The following LRRC4C variants were observed in gnomAD, a reference collection of about 807,000 sequenced individuals.
The protein encoded by LRRC4C is leucine rich repeat containing 4C, also known as leucine-rich repeat-containing protein 4C.
LRRC4C carries 5 observed loss-of-function variants against 33.6 expected under a neutral mutation model. That is an observed-to-expected ratio of 0.15 (90% CI 0.08 to 0.31). The LOEUF is 0.31. Ranked by LOEUF, LRRC4C falls within the 10% of genes least tolerant of loss-of-function variation. The pLI, the probability that LRRC4C is intolerant of heterozygous loss-of-function variation, is 1.00. For missense variants in LRRC4C, 560 were observed against 796.7 expected (o/e 0.70, Z 3.58); for synonymous variants, 329 against 302.0 (o/e 1.09, Z -0.93).
At chr11:40,588,688 G>A (rs1400615582) in intron 3 of LRRC4C, among the ~76,000 whole-genome samples, 22 of 151,872 alleles carry the variant, frequency 1.4e-4, no homozygotes, top group African/African-American at 4.4e-4. Flanking sequence ...CTTTGTTCTC[G>A]TTGGTTTCAA....
intron 2 of LRRC4C, among the ~76,000 whole-genome samples, chr11:40,708,641 T>C (rs1946298905): frequency 6.6e-6 from 1 of 152,222 alleles, no homozygotes; most frequent in African/African-American, 2.4e-5. Flanking sequence ...AACTATGTGG[T>C]CAATTTTGGA....
At chr11:41,392,584 T>C (rs1953647346) in intron 1 of LRRC4C, among the ~76,000 whole-genome samples, 1 of 151,286 alleles carries the variant, frequency 6.6e-6, no homozygotes, top group Non-Finnish European at 1.5e-5. Context: ...CATCGTTACC[T>C]AGAACTTAAG....
chr11:40,419,467 CTG>C (rs2137724119), intron 3 of LRRC4C, among the ~76,000 whole-genome samples: 1 of 152,148 alleles, frequency 6.6e-6, no homozygotes, highest in Admixed American at 6.5e-5. Flanking sequence ...ACATTGGAAA[CTG>C]TGAATACCAG....
At chr11:40,934,783 G>A (rs184083347) in intron 1 of LRRC4C, among the ~76,000 whole-genome samples, 2 of 152,104 alleles carry the variant, frequency 1.3e-5, no homozygotes, top group Non-Finnish European at 2.9e-5. Flanking sequence ...TTACACACCT[G>A]GAATTGACAG....
Position 40,114,994 on chromosome 11 carries a change from C to T in LRRC4C, c.1299G>A (p.Gly433=), listed in dbSNP as rs751947573. 9.3e-6 allele frequency: 15 copies of T among 1,614,096 alleles called. No individual in the cohort carries two copies. The highest frequency in any genetic ancestry group is 9.3e-6 in the Non-Finnish European group (11 of 1,180,038). ...TCAGGGTGGCTGAAGCAGTAGTATT[C>T]CCAACGGAATTACTCACCATACATG... ...MYTCMVSNSV[G]NTTASATLNV... is the part of the protein sequence containing the mutation. The change falls in exon 7 of 7, where the codon GGG becomes GGA. Residue 433 remains glycine (G), a synonymous_variant. Coordinates refer to ENST00000528697, the MANE Select transcript of LRRC4C (RefSeq NM_001258419.2).
At chr11:40,282,839 G>T (rs975900160) in intron 4 of LRRC4C, among the ~76,000 whole-genome samples, 1 of 152,182 alleles carries the variant, frequency 6.6e-6, no homozygotes, top group African/African-American at 2.4e-5. Context: ...ATGAATGTAT[G>T]TATGCCTGGC....
chr11:41,352,617 C>T (rs1044787544), intron 1 of LRRC4C, among the ~76,000 whole-genome samples: 6 of 151,992 alleles, frequency 3.9e-5, no homozygotes, highest in African/African-American at 1.4e-4. Context: ...ACACACTCAG[C>T]CATAAAGTAA....
At chr11:40,606,007 G>A (rs781753663) in intron 3 of LRRC4C, among the ~76,000 whole-genome samples, 6 of 152,172 alleles carry the variant, frequency 3.9e-5, no homozygotes, top group Non-Finnish European at 7.3e-5. Context: ...AGAGTTGAGT[G>A]GCTCGTGGCT....
chr11:40,603,774 A>T (rs1351305156), intron 3 of LRRC4C, among the ~76,000 whole-genome samples: 1 of 152,184 alleles, frequency 6.6e-6, no homozygotes, highest in Non-Finnish European at 1.5e-5. Flanking sequence ...TTAAGTGATA[A>T]TCATATTCCC....
chr11:41,122,449 C>T (rs1217465552), intron 1 of LRRC4C, among the ~76,000 whole-genome samples: 2 of 151,914 alleles, frequency 1.3e-5, no homozygotes, highest in African/African-American at 4.8e-5. Context: ...CTGAAAACTG[C>T]CTCATATTTG....
At chr11:40,238,911 A>C (rs1865749611) in intron 5 of LRRC4C, among the ~76,000 whole-genome samples, 1 of 152,210 alleles carries the variant, frequency 6.6e-6, no homozygotes, top group Non-Finnish European at 1.5e-5. Flanking sequence ...TGATAAATGC[A>C]GAAAAACACT....
chr11:41,371,460 G>A (rs1952743609), intron 1 of LRRC4C, among the ~76,000 whole-genome samples: 1 of 152,154 alleles, frequency 6.6e-6, no homozygotes, highest in Non-Finnish European at 1.5e-5. Context: ...CGTGTTAGAA[G>A]TCAAATCCAT....
In LRRC4C at chr11:40,114,342, GT is replaced by G. The variant is rs1410759787; in HGVS notation, c.*27del. ...TAATAAACTGTCTTTTTTTTTGATT[GT>G]TTGTTTTTTGTAACTCTGTAAATGT... On this transcript the variant is annotated 3_prime_UTR_variant, in exon 7 of 7. Transcript: ENST00000528697. 1.3e-6 allele frequency: 2 copies of G among 1,507,324 alleles called. No individual in the cohort carries two copies. The highest frequency in any genetic ancestry group is 1.8e-6 in the Non-Finnish European group (2 of 1,127,610). 93.4% of individuals were successfully genotyped at this position (1,507,324 alleles called of 1,614,324 possible). A position where few individuals can be genotyped will look rare whatever the true frequency, so the allele number is the denominator to read the frequency against.
chr11:41,126,341 T>C (rs113303162), intron 1 of LRRC4C, among the ~76,000 whole-genome samples: 3 of 152,142 alleles, frequency 2.0e-5, no homozygotes, highest in African/African-American at 7.2e-5. Flanking sequence ...TTTAAGGTGG[T>C]ACCTAGTAAA....
chr11:40,570,453 C>T (rs754158716), intron 3 of LRRC4C, among the ~76,000 whole-genome samples: 5 of 152,160 alleles, frequency 3.3e-5, no homozygotes, highest in Non-Finnish European at 5.9e-5. Context: ...GCTCACAATA[C>T]AGATACACTA....
At chr11:41,252,210 G>C (rs1327936083) in intron 1 of LRRC4C, among the ~76,000 whole-genome samples, 1 of 152,134 alleles carries the variant, frequency 6.6e-6, no homozygotes, top group Admixed American at 6.5e-5. Context: ...TAACCTGGTA[G>C]AAAAGTGCTG....
intron 2 of LRRC4C, among the ~76,000 whole-genome samples, chr11:40,796,649 T>TA (rs1057038360): frequency 3.6e-5 from 5 of 137,970 alleles, no homozygotes; most frequent in African/African-American, 1.2e-4. Context: ...TTTTTTTTTT[T>TA]TTTTTTTTTT....
chr11:41,379,755 A>G (rs1487973727), intron 1 of LRRC4C, among the ~76,000 whole-genome samples: 1 of 152,066 alleles, frequency 6.6e-6, no homozygotes, highest in Non-Finnish European at 1.5e-5. Context: ...AGGGGTAAAA[A>G]AAGGGCAGAA....
intron 5 of LRRC4C, among the ~76,000 whole-genome samples, chr11:40,150,818 A>T (rs1225923606): frequency 1.3e-5 from 2 of 152,158 alleles, no homozygotes; most frequent in African/African-American, 4.8e-5. Flanking sequence ...GTGATACATG[A>T]GAGAGATGGT....
Sources: allele counts gnomAD v4.1 joint callset (sites outside exome capture counted in the v4.1 genomes callset), GRCh38; gene constraint gnomAD v4.1.1; transcripts MANE v1.5; gene names NCBI Gene and HGNC (gene_info 2026-07-23, HGNC 2026-07-21).